MRPS28: variants seen among roughly 807,000 people sequenced by gnomAD.
MRPS28 encodes small ribosomal subunit protein bS1m.
Under a neutral mutation model 10.8 loss-of-function variants are expected in MRPS28, and 7 were observed. That is an observed-to-expected ratio of 0.65 (90% CI 0.37 to 1.22). The LOEUF is 1.22. MRPS28 is among the 50% of genes most tolerant of loss of function. The pLI, the probability that MRPS28 is intolerant of heterozygous loss-of-function variation, is 0.02. For missense variants in MRPS28, 265 were observed against 232.9 expected (o/e 1.14, Z -0.90); for synonymous variants, 121 against 93.3 (o/e 1.30, Z -1.71).
chr8:80,018,042 C>A (rs1809243878), intron 1 of MRPS28, among the ~76,000 whole-genome samples: 2 of 152,136 alleles, frequency 1.3e-5, no homozygotes, highest in South Asian at 2.1e-4. Context: ...ATAATCCCTG[C>A]ACTTTGGGAG....
At chr8:79,951,933 G>C (rs1372478963) in intron 2 of MRPS28, among the ~76,000 whole-genome samples, 3 of 152,102 alleles carry the variant, frequency 2.0e-5, no homozygotes, top group South Asian at 2.1e-4. Context: ...CTTACCTCTG[G>C]GTTCTTTGTT....
chr8:79,985,325 A>G (rs1344534150), intron 2 of MRPS28, among the ~76,000 whole-genome samples: 3 of 152,256 alleles, frequency 2.0e-5, no homozygotes, highest in African/African-American at 7.2e-5. Flanking sequence ...AGAAAGCAGG[A>G]AAGATCCAAA....
intron 1 of MRPS28, among the ~76,000 whole-genome samples, chr8:80,013,783 C>T (rs1809123127): frequency 6.6e-6 from 1 of 151,884 alleles, no homozygotes; most frequent in South Asian, 2.1e-4. Flanking sequence ...CTTCTATTAA[C>T]CGTGCTATAA....
In MRPS28 at chr8:79,970,277, A is replaced by T. The variant is rs748456459; in HGVS notation, c.395+32722T>A. ...TGGGTATATTGGGGGAAATCTGTGA[A>T]CTCCTTAATACTGCATGCCTATACT... On this transcript the variant is annotated intron_variant, in intron 2 of 2. Coordinates refer to ENST00000276585, the MANE Select transcript of MRPS28 (RefSeq NM_014018.3). Among the ~76,000 whole-genome samples, 38 of 152,026 alleles carry T rather than the reference A, an allele frequency of 2.5e-4. 1 individual carries two copies. The highest frequency in any genetic ancestry group is 4.9e-4 in the Non-Finnish European group (33 of 68,002).
intron 2 of MRPS28, among the ~76,000 whole-genome samples, chr8:79,923,867 T>A (rs1810161525): frequency 6.6e-6 from 1 of 152,172 alleles, no homozygotes; most frequent in Non-Finnish European, 1.5e-5. Flanking sequence ...AAAAGGGCAA[T>A]TAAATCTGGT....
chr8:79,990,701 C>T (rs1808337368), intron 2 of MRPS28, among the ~76,000 whole-genome samples: 2 of 151,784 alleles, frequency 1.3e-5, no homozygotes, highest in Admixed American at 1.3e-4. Context: ...AGGAGAAAGT[C>T]ACTGTGGGAT....
At chr8:80,013,715 C>T (rs1007830610) in intron 1 of MRPS28, among the ~76,000 whole-genome samples, 3 of 149,012 alleles carry the variant, frequency 2.0e-5, no homozygotes, top group Non-Finnish European at 4.5e-5. Context: ...TATACTTTAA[C>T]TACTTCATAC....
chr8:79,942,109 A>G (rs137881021), intron 2 of MRPS28, among the ~76,000 whole-genome samples: 5 of 152,304 alleles, frequency 3.3e-5, no homozygotes, highest in African/African-American at 1.2e-4. Context: ...CTGAGGGGAC[A>G]AGACAACTGA....
At chr8:80,004,879 G>C (rs548854243) in intron 1 of MRPS28, among the ~76,000 whole-genome samples, 1 of 152,252 alleles carries the variant, frequency 6.6e-6, no homozygotes, top group East Asian at 1.9e-4. Context: ...CGGAAGAAAG[G>C]GTATCAGTGA....
At chr8:80,023,651 T>C (rs184559521) in intron 1 of MRPS28, among the ~76,000 whole-genome samples, 27 of 152,342 alleles carry the variant, frequency 1.8e-4, no homozygotes, top group African/African-American at 5.3e-4. Flanking sequence ...AATTTAAAAT[T>C]TGAGTAAAAT....
chr8:79,991,026 G>A (rs888353995), intron 2 of MRPS28, among the ~76,000 whole-genome samples: 7 of 151,202 alleles, frequency 4.6e-5, no homozygotes, highest in Non-Finnish European at 7.4e-5. Context: ...GCAAATTCAG[G>A]TACAAGGTAC....
rs535482899 is a variant in MRPS28, at chr8:79,919,913, C to T, written c.396-765G>A. The stretch of plus-strand genomic sequence containing the variant: ...GCTGCACCCATTAACTCGTCATTTA[C>T]GTTAGGTATATCTCCTAATGCTATC... On this transcript the variant is annotated intron_variant, in intron 2 of 2. Coordinates refer to ENST00000276585, the MANE Select transcript of MRPS28 (RefSeq NM_014018.3). 7.3e-5 allele frequency among the ~76,000 whole-genome samples: 11 copies of T among 150,374 alleles called. No individual in the cohort carries two copies. The East Asian group carries it at 1.2e-3, about 16-fold the overall frequency.
At chr8:79,992,314 A>C (rs745578161) in intron 2 of MRPS28, among the ~76,000 whole-genome samples, 6 of 152,244 alleles carry the variant, frequency 3.9e-5, no homozygotes, top group Non-Finnish European at 7.3e-5. Flanking sequence ...GAACAGTCAC[A>C]CAAAGCTCAT....
intron 2 of MRPS28, among the ~76,000 whole-genome samples, chr8:79,973,337 G>A (rs780072827): frequency 6.6e-5 from 10 of 152,094 alleles, no homozygotes; most frequent in Non-Finnish European, 1.5e-4. Flanking sequence ...TGCACAGGCT[G>A]GAGTGCAGTA....
rs1809604839 is a variant in MRPS28, at chr8:80,029,889, C to G, written c.213+147G>C. 3.3e-6 allele frequency: 5 copies of G among 1,536,536 alleles called. No homozygotes were observed. In the East Asian group the frequency reaches 1.2e-4, roughly 38 times the overall value. On this transcript the variant is annotated intron_variant, in intron 1 of 2. Coordinates refer to ENST00000276585, the MANE Select transcript of MRPS28 (RefSeq NM_014018.3). ...AAGCACAGATTCTAGGGGCCGAGGG[C>G]TGAGCCACAACGCACCGCAACTCCG... is the stretch of plus-strand genomic sequence containing the variant.
intron 2 of MRPS28, among the ~76,000 whole-genome samples, chr8:79,976,707 A>G (rs1334166675): frequency 6.6e-6 from 1 of 152,230 alleles, no homozygotes; most frequent in Non-Finnish European, 1.5e-5. Flanking sequence ...CTCTGTCTCA[A>G]AACAAAAGGA....
At chr8:79,982,466 C>T (rs1807990539) in intron 2 of MRPS28, among the ~76,000 whole-genome samples, 1 of 151,918 alleles carries the variant, frequency 6.6e-6, no homozygotes. Context: ...CGAGGCATTG[C>T]CTCACTCGGG....
intron 2 of MRPS28, among the ~76,000 whole-genome samples, chr8:79,930,112 T>C (rs1806423107): frequency 6.6e-6 from 1 of 152,228 alleles, no homozygotes; most frequent in African/African-American, 2.4e-5. Context: ...ATATCCATTA[T>C]GCATAATTAG....
chr8:79,925,481 T>C (rs73251918), intron 2 of MRPS28, among the ~76,000 whole-genome samples: 1,818 of 152,308 alleles, frequency 0.012, 40 homozygotes, highest in African/African-American at 0.041. Context: ...TTTTTAACCT[T>C]GCCGGGCTAG....
Sources: allele counts gnomAD v4.1 joint callset (sites outside exome capture counted in the v4.1 genomes callset), GRCh38; gene constraint gnomAD v4.1.1; transcripts MANE v1.5; gene names NCBI Gene and HGNC (gene_info 2026-07-23, HGNC 2026-07-21).